FOCAD: variants seen among roughly 807,000 people sequenced by gnomAD.
FOCAD encodes the protein focadhesin, also known as KIAA1797.
In FOCAD, 198 loss-of-function variants were observed where a neutral mutation model predicts 225.6. That is an observed-to-expected ratio of 0.88 (90% CI 0.78 to 0.99). FOCAD has a LOEUF of 0.99. FOCAD is among the 50% of genes least tolerant of loss of function. The pLI is 0.00. For synonymous variants in FOCAD, 897 were observed against 755.0 expected (o/e 1.19, Z -3.08); for missense variants, 2,713 against 2,123.6 (o/e 1.28, Z -5.46).
intron 21 of FOCAD, among the ~76,000 whole-genome samples, chr9:20,885,839 A>G (rs150155611): frequency 1.5e-3 from 225 of 152,290 alleles, no homozygotes; most frequent in African/African-American, 5.2e-3. Flanking sequence ...TACTCATATG[A>G]TGTATACAAA....
chr9:20,867,135 C>G, intron 18 of FOCAD, 123 bp downstream of exon 18: 1 of 586,920 alleles, frequency 1.7e-6, no homozygotes, highest in Non-Finnish European at 2.9e-6. Flanking sequence ...GTTGTCCATG[C>G]AAGATACAAA....
intron 4 of FOCAD, among the ~76,000 whole-genome samples, chr9:20,733,337 G>C (rs1405258613): frequency 1.3e-5 from 2 of 152,114 alleles, no homozygotes; most frequent in African/African-American, 4.8e-5. Context: ...CTATCCAGGA[G>C]ATCACGTTTA....
chr9:20,884,712 T>G (rs1236434934), intron 20 of FOCAD, among the ~76,000 whole-genome samples: 1 of 152,206 alleles, frequency 6.6e-6, no homozygotes, highest in Non-Finnish European at 1.5e-5. Context: ...TAAATATCTC[T>G]ATCCAGATTG....
chr9:20,951,105 T>C lies in FOCAD; in HGVS notation c.4051+7T>C. Reference sequence around the variant, plus strand: ...AGTCAAAGTAGAGCCTCTGGTAAGATTAAAGTCATAAAATACTGGAGCTGG... The same window carrying C: ...AGTCAAAGTAGAGCCTCTGGTAAGACTAAAGTCATAAAATACTGGAGCTGG... On this transcript the variant is annotated splice_region_variant and intron_variant, in intron 34 of 43. Coordinates refer to ENST00000338382, the MANE Select transcript of FOCAD (RefSeq NM_001375567.1). The C allele has an allele frequency of 6.2e-7, 1 of 1,607,408 alleles. No individual in the cohort carries two copies. The highest frequency in any genetic ancestry group is 8.5e-7 in the Non-Finnish European group (1 of 1,174,116).
In FOCAD at chr9:20,819,501, A is replaced by G. The variant is rs62560485; in HGVS notation, c.1456-295A>G. On this transcript the variant is annotated intron_variant, in intron 11 of 43. Transcript: ENST00000338382. ...AGTGCTGGGATTACAGGTGTGAGCC[A>G]CCATGCTTGGCAAGGCAGGGTGTAT... is the stretch of plus-strand genomic sequence containing the variant. 0.26 allele frequency among the ~76,000 whole-genome samples: 39,835 copies of G among 152,052 alleles called. 5,534 individuals carry two copies. Among genetic ancestry groups the G allele is most frequent in the Middle Eastern group, 0.33 (98 of 294 alleles).
upstream of FOCAD, among the ~76,000 whole-genome samples, chr9:20,657,089 A>T (rs1418188308): frequency 6.6e-6 from 1 of 152,120 alleles, no homozygotes; most frequent in African/African-American, 2.4e-5. Context: ...TTCCTTTAAG[A>T]ATGTTGAATA....
At position 20,765,148 on chromosome 9, in the gene FOCAD, C is replaced by A. The variant is rs1829950756; in HGVS notation, c.699+75C>A. 4.5e-6 allele frequency: 6 copies of A among 1,327,742 alleles called. No individual in the cohort carries two copies. The South Asian group carries it at 8.9e-5, about 20-fold the overall frequency. 82.2% of individuals were successfully genotyped at this position (1,327,742 alleles called of 1,614,324 possible). The stretch of plus-strand genomic sequence containing the variant: ...TGTTATTGTCATAGACAAAGTAGTT[C>A]TAGAACATAAGTGATTTGGCAAACT... On this transcript the variant is annotated intron_variant, in intron 7 of 43. Transcript: ENST00000338382.
At chr9:20,680,963 AC>A (rs1822382757), upstream of FOCAD, among the ~76,000 whole-genome samples, 1 of 152,116 alleles carries the variant, frequency 6.6e-6, no homozygotes, top group African/African-American at 2.4e-5. Flanking sequence ...GTGTCACTGT[AC>A]CCCAGCTTGT....
At chr9:20,914,287 G>A (rs1001186596) in intron 23 of FOCAD, among the ~76,000 whole-genome samples, 6 of 152,112 alleles carry the variant, frequency 3.9e-5, no homozygotes, top group Admixed American at 6.5e-5. Flanking sequence ...AAGCACAGAG[G>A]AACAGCAGTG....
At chr9:20,874,360 T>G in intron 18 of FOCAD, 1 of 196,194 alleles carries the variant, frequency 5.1e-6, no homozygotes, top group Non-Finnish European at 1.0e-5. Context: ...AGTGTTTGCA[T>G]TTTATTTTTG....
chr9:20,796,103 T>G (rs1210864345), intron 11 of FOCAD, among the ~76,000 whole-genome samples: 1 of 152,096 alleles, frequency 6.6e-6, no homozygotes, highest in Non-Finnish European at 1.5e-5. Context: ...CTGAGAATGA[T>G]GGTTTCCAGC....
intron 35 of FOCAD, among the ~76,000 whole-genome samples, chr9:20,955,078 G>C (rs779353222): frequency 6.6e-6 from 1 of 152,232 alleles, no homozygotes; most frequent in Admixed American, 6.5e-5. Flanking sequence ...CGGTGGGACT[G>C]CTGATAGGAA....
At chr9:20,962,686 A>G (rs757420218) in intron 35 of FOCAD, among the ~76,000 whole-genome samples, 9 of 152,098 alleles carry the variant, frequency 5.9e-5, no homozygotes, top group Non-Finnish European at 8.8e-5. Flanking sequence ...GTTGTAATGC[A>G]TTATGTTCGG....
In FOCAD at chr9:20,848,325, C is replaced by T. The variant is rs147941712; in HGVS notation, c.1921-14253C>T. ...CTTGGTCTCTCTAAGCATGCATTCC[C>T]TCCTTCTGGGTCTGGGTCAGGACCC... On this transcript the variant is annotated intron_variant, in intron 15 of 43. Transcript: ENST00000338382. Among the ~76,000 whole-genome samples the T allele has an allele frequency of 3.8e-3, 574 of 152,192 alleles. 4 individuals are homozygous for T. The highest frequency in any genetic ancestry group is 0.013 in the African/African-American group (549 of 41,552).
chr9:20,789,716 TTGA>T lies in FOCAD; in HGVS notation c.1455+113_1455+115del, dbSNP rs1820325282. On this transcript the variant is annotated intron_variant, in intron 11 of 43. Coordinates refer to ENST00000338382, the MANE Select transcript of FOCAD (RefSeq NM_001375567.1). ...TTGCATCAGAGTTTTAAATTATGGG[TTGA>T]TGATTTTTTTTTTTTTTGCTATCTT... The T allele has an allele frequency of 2.2e-6, 3 of 1,392,854 alleles. No individual in the cohort carries two copies. The East Asian group carries it at 7.1e-5, about 33-fold the overall frequency. The allele number at this position is 1,392,854 out of a possible 1,614,324, so 86.3% of individuals were successfully genotyped here. A position where few individuals can be genotyped will look rare whatever the true frequency, so the allele number is the denominator to read the frequency against.
chr9:20,859,426 C>T (rs1828550651), intron 15 of FOCAD, among the ~76,000 whole-genome samples: 1 of 149,536 alleles, frequency 6.7e-6, no homozygotes, highest in Non-Finnish European at 1.5e-5. Context: ...CTCAATTGTT[C>T]CTTTGCAGGT....
intron 1 of FOCAD, among the ~76,000 whole-genome samples, chr9:20,707,416 A>G (rs1181824740): frequency 6.6e-6 from 1 of 152,192 alleles, no homozygotes; most frequent in African/African-American, 2.4e-5. Context: ...ACCCTTGAAC[A>G]ATTTGGGGTC....
intron 5 of FOCAD, among the ~76,000 whole-genome samples, chr9:20,749,484 A>C (rs891150379): frequency 6.6e-6 from 1 of 152,178 alleles, no homozygotes; most frequent in Non-Finnish European, 1.5e-5. Context: ...TGGAATCTTC[A>C]TAATTTTTCG....
At chr9:20,744,379 C>T (rs1827877625) in intron 5 of FOCAD, among the ~76,000 whole-genome samples, 1 of 152,178 alleles carries the variant, frequency 6.6e-6, no homozygotes, top group African/African-American at 2.4e-5. Context: ...GCTCATATTG[C>T]TTAACTGGAC....
Sources: gnomAD v4.1 joint callset for allele counts (sites outside exome capture counted in the v4.1 genomes callset) on GRCh38, gnomAD v4.1.1 for gene constraint, MANE v1.5 for transcripts, NCBI Gene and HGNC (gene_info 2026-07-23, HGNC 2026-07-21) for gene names.